ACSS1: variants seen among roughly 807,000 people sequenced by gnomAD.
The protein encoded by ACSS1 is acetyl-coenzyme A synthetase 2-like, mitochondrial.
A neutral mutation model predicts 75.3 loss-of-function variants in ACSS1; 42 were observed. The observed-to-expected ratio is 0.56, with a 90% CI of 0.44 to 0.72. The LOEUF is 0.72. Ranked by LOEUF, ACSS1 falls within the 30% of genes least tolerant of loss-of-function variation. The pLI, the probability that ACSS1 is intolerant of heterozygous loss-of-function variation, is 0.00. For missense variants in ACSS1, 782 were observed against 935.7 expected (o/e 0.84, Z 2.14); for synonymous variants, 380 against 376.8 (o/e 1.01, Z -0.10).
In ACSS1 at chr20:25,048,092, T is replaced by C; in HGVS notation, c.424A>G (p.Thr142Ala). 6.2e-7 allele frequency: 1 copy of C among 1,613,632 alleles called. No individual in the cohort carries two copies. The highest frequency in any genetic ancestry group is 8.5e-7 in the Non-Finnish European group (1 of 1,179,936). The change falls in exon 2 of 14, where the codon ACC (threonine) becomes GCC (alanine). Residue 142 changes from threonine (T) to alanine (A), a missense_variant. Thr to Ala is a moderately conservative substitution (Grantham distance 58). Around this residue, in one of 2 missense-constraint regions of ACSS1, gnomAD observed 377 missense variants for 383.1 expected, o/e 0.98. Transcript: ENST00000323482. ...RDEPGTEVRI[T>A]YRELLETTCR... is the part of the protein sequence containing the mutation. Reference sequence around the variant, plus strand: ...CATTCGAGGGCACAGTACCTGTAGGTGATCCTCACTTCCGTTCCAGGCTCA... The same window carrying C: ...CATTCGAGGGCACAGTACCTGTAGGCGATCCTCACTTCCGTTCCAGGCTCA...
intron 7 of ACSS1, among the ~76,000 whole-genome samples, chr20:25,018,335 G>A (rs892761071): frequency 6.6e-6 from 1 of 152,218 alleles, no homozygotes; most frequent in African/African-American, 2.4e-5. Flanking sequence ...CTCCAGAAAT[G>A]TGAACCAATA....
chr20:25,040,204 C>G (rs1196742286), intron 2 of ACSS1, among the ~76,000 whole-genome samples: 1 of 152,248 alleles, frequency 6.6e-6, no homozygotes, highest in Non-Finnish European at 1.5e-5. Flanking sequence ...TTGCACACCC[C>G]ACATGCCCTC....
chr20:25,042,547 G>A lies in ACSS1; in HGVS notation c.431+5538C>T, dbSNP rs543210129. 3.3e-5 allele frequency among the ~76,000 whole-genome samples: 5 copies of A among 152,284 alleles called. No homozygotes were observed. The East Asian group carries it at 7.7e-4, about 24-fold the overall frequency. ...CGAGGCTGTTCCCCCACAGCCTCCC[G>A]TGAGTTAGGATCCTCCCCCAGCTGC... On this transcript the variant is annotated intron_variant, in intron 2 of 13. Coordinates refer to ENST00000323482, the MANE Select transcript of ACSS1 (RefSeq NM_032501.4).
chr20:25,036,283 C>T (rs2088906426), intron 2 of ACSS1, among the ~76,000 whole-genome samples: 1 of 152,308 alleles, frequency 6.6e-6, no homozygotes, highest in Middle Eastern at 3.4e-3. Context: ...AAAACGCTGA[C>T]TGGCCTTGGG....
Position 25,057,856 on chromosome 20 carries a change from A to T in ACSS1, c.247T>A (p.Trp83Arg). The T allele has an allele frequency of 6.2e-7, 1 of 1,612,632 alleles. No individual in the cohort carries two copies. The highest frequency in any genetic ancestry group is 8.5e-7 in the Non-Finnish European group (1 of 1,179,622). Residue 83 changes from tryptophan to arginine, a missense_variant, in exon 1 of 14, where the codon TGG becomes AGG. Transcript: ENST00000323482. Reference sequence around the variant, plus strand: ...CAGACGGTGTGGTAGGGGGTGTCCCACACGAGAGTGTCCCGCGCCAGAGGC... The same window carrying T: ...CAGACGGTGTGGTAGGGGGTGTCCCTCACGAGAGTGTCCCGCGCCAGAGGC... ...WGPLARDTLVWDTPYHTVWDC... is the reference protein window; with the variant it reads ...WGPLARDTLVRDTPYHTVWDC...
At position 25,048,146 on chromosome 20, in the gene ACSS1, C is replaced by T. The variant is rs376591574; in HGVS notation, c.370G>A (p.Glu124Lys). Residue 124 changes from glutamate (E) to lysine (K), a missense_variant, in exon 2 of 14, where the codon GAG (glutamate) becomes AAG (lysine). Glu to Lys is a moderately conservative substitution (Grantham distance 56). This residue lies in a region of ACSS1 where 377 missense variants were observed against 383.1 expected (regional missense o/e 0.98). Coordinates refer to ENST00000323482, the MANE Select transcript of ACSS1 (RefSeq NM_032501.4). ...CLDQHVRKSPESVALIWERDE... is the reference protein window; with the variant it reads ...CLDQHVRKSPKSVALIWERDE... ...CGCTCCCAGATCAAAGCAACGCTCT[C>T]GGGGGACTTCCGAACATGCTGGTCC... 2.1e-5 allele frequency: 34 copies of T among 1,613,500 alleles called. No homozygotes were observed. Among genetic ancestry groups the T allele is most frequent in the Middle Eastern group, 1.6e-4 (1 of 6,084 alleles).
chr20:25,036,964 AAG>A (rs1182865419), intron 2 of ACSS1, among the ~76,000 whole-genome samples: 2,169 of 137,670 alleles, frequency 0.016, 69 homozygotes, highest in African/African-American at 0.057. Flanking sequence ...AAAAAAAAAA[AAG>A]AAGAAGAAGA....
At chr20:25,047,179 G>C (rs1337729243) in intron 2 of ACSS1, among the ~76,000 whole-genome samples, 1 of 152,144 alleles carries the variant, frequency 6.6e-6, no homozygotes, top group Non-Finnish European at 1.5e-5. Context: ...CAGGTCACCC[G>C]AGTGGCAGGG....
At chr20:25,049,294 C>CT (rs1262262669) in intron 1 of ACSS1, among the ~76,000 whole-genome samples, 1 of 152,140 alleles carries the variant, frequency 6.6e-6, no homozygotes, top group Non-Finnish European at 1.5e-5. Context: ...TGTTGGGGAG[C>CT]TGGGGGTGCT....
intron 7 of ACSS1, 28 bp from the exon 8 acceptor site, chr20:25,015,258 T>C: frequency 6.4e-7 from 1 of 1,555,972 alleles, no homozygotes; most frequent in East Asian, 2.3e-5. Context: ...GAAAAAGATG[T>C]TAACAGGCTG....
intron 4 of ACSS1, 140 bp from the exon 5 acceptor site, chr20:25,023,232 G>T: frequency 8.1e-7 from 1 of 1,239,210 alleles, no homozygotes; most frequent in Non-Finnish European, 1.1e-6. Flanking sequence ...TCCAAATGTG[G>T]AAAGGACACA....
rs181094104 is a variant in ACSS1, at chr20:25,046,871, G to T, written c.431+1214C>A. On this transcript the variant is annotated intron_variant, in intron 2 of 13. Transcript: ENST00000323482. ...GGGCCACACGGCATCTGCAACCAGG[G>T]ACTAGAGATAAGAAATGCGTGCTGT... 1.5e-3 allele frequency: 1,137 copies of T among 779,704 alleles called. 10 individuals carry two copies. The African/African-American group carries it at 0.018, about 12-fold the overall frequency. 48.3% of individuals were successfully genotyped at this position (779,704 alleles called of 1,614,324 possible). A position where few individuals can be genotyped will look rare whatever the true frequency, so the allele number is the denominator to read the frequency against.
chr20:25,037,783 G>A (rs755690625), intron 2 of ACSS1, among the ~76,000 whole-genome samples: 6 of 152,212 alleles, frequency 3.9e-5, no homozygotes, highest in Non-Finnish European at 8.8e-5. Context: ...AGCATGGATG[G>A]CCAGCTCGCA....
chr20:25,047,212 G>A (rs2089107932), intron 2 of ACSS1, among the ~76,000 whole-genome samples: 1 of 152,178 alleles, frequency 6.6e-6, no homozygotes, highest in African/African-American at 2.4e-5. Flanking sequence ...CTCTCAGGCT[G>A]CCCAGTGTGG....
intron 2 of ACSS1, chr20:25,032,282 G>T: frequency 8.5e-7 from 1 of 1,177,642 alleles, no homozygotes; most frequent in Non-Finnish European, 1.1e-6. Flanking sequence ...TTGGCTCAGG[G>T]CCGACACGTG....
intron 3 of ACSS1, among the ~76,000 whole-genome samples, chr20:25,029,885 T>C (rs1041680483): frequency 1.3e-5 from 2 of 152,152 alleles, no homozygotes; most frequent in African/African-American, 4.8e-5. Context: ...AAGAGTAAGG[T>C]AAATTAAAGG....
Position 25,013,578 on chromosome 20 carries a change from C to A in ACSS1, c.1537G>T (p.Asp513Tyr). 1 of 1,607,174 alleles carries A rather than the reference C, an allele frequency of 6.2e-7. No individual in the cohort carries two copies. The highest frequency in any genetic ancestry group is 8.5e-7 in the Non-Finnish European group (1 of 1,174,690). The part of the protein sequence containing the change: ...WPGMARTIYG[D>Y]HQRFVDAYFK... ...TAGGCGTCCACAAATCGCTGGTGGT[C>A]GCCATAGATGGTCCTGGCCATGCCC... Residue 513 changes from aspartate to tyrosine, a missense_variant, in exon 10 of 14, where the codon GAC (aspartate) becomes TAC (tyrosine). Physicochemically the swap from Asp to Tyr is radical, Grantham distance 160 (BLOSUM62 -3). Around this residue, in one of 2 missense-constraint regions of ACSS1, gnomAD observed 405 missense variants for 552.6 expected, o/e 0.73. Coordinates refer to ENST00000323482, the MANE Select transcript of ACSS1 (RefSeq NM_032501.4).
chr20:25,051,257 C>T (rs945553629), intron 1 of ACSS1, among the ~76,000 whole-genome samples: 2 of 152,164 alleles, frequency 1.3e-5, no homozygotes, highest in African/African-American at 4.8e-5. Flanking sequence ...CTCCCTAGGG[C>T]GAGGGCTGAG....
At chr20:25,009,429 A>G in intron 12 of ACSS1, 41 bp from the exon 13 acceptor site, 1 of 1,532,904 alleles carries the variant, frequency 6.5e-7, no homozygotes, top group Non-Finnish European at 9.0e-7. Flanking sequence ...TAAATACTAG[A>G]CAAGGAGCCA....
Sources: allele counts gnomAD v4.1 joint callset (sites outside exome capture counted in the v4.1 genomes callset), GRCh38; gene constraint gnomAD v4.1.1; regional missense constraint gnomAD v4.1.1; transcripts MANE v1.5; gene names NCBI Gene and HGNC (gene_info 2026-07-23, HGNC 2026-07-21).